Variants in BARD1 observed in about 807,000 individuals in gnomAD.
The protein encoded by BARD1 is BRCA1 associated RING domain 1.
BARD1 carries 73 observed loss-of-function variants against 77.0 expected under a neutral mutation model. The observed-to-expected ratio is 0.95, with a 90% CI of 0.79 to 1.15. BARD1 has a LOEUF of 1.15. BARD1 is among the 50% of genes most tolerant of loss of function. The pLI is 0.00. For missense variants in BARD1, 993 were observed against 938.8 expected (o/e 1.06, Z -0.75); for synonymous variants, 384 against 338.0 (o/e 1.14, Z -1.49).
At chr2:214,795,489 AG>A (rs1253862610) in intron 2 of BARD1, among the ~76,000 whole-genome samples, 1 of 152,160 alleles carries the variant, frequency 6.6e-6, no homozygotes, top group African/African-American at 2.4e-5. Context: ...GAGTTTAAGC[AG>A]GGTAATGATA....
intron 3 of BARD1, among the ~76,000 whole-genome samples, chr2:214,784,546 T>A (rs1171755099): frequency 6.6e-6 from 1 of 152,178 alleles, no homozygotes; most frequent in Non-Finnish European, 1.5e-5. Context: ...CAAAGGATTA[T>A]AAATCATTCT....
At position 214,781,529 on chromosome 2, in the gene BARD1, A is replaced by C. The variant is rs775733571; in HGVS notation, c.365-20T>G. Reference sequence around the variant, plus strand: ...TCAAATCTGACAGAAAAAAAGAAAAAGAAATCTGTTACATGAAATTTATTG... The same window carrying C: ...TCAAATCTGACAGAAAAAAAGAAAACGAAATCTGTTACATGAAATTTATTG... On this transcript the variant is annotated intron_variant, in intron 3 of 10. Coordinates refer to ENST00000260947, the MANE Select transcript of BARD1 (RefSeq NM_000465.4). The C allele has an allele frequency of 6.3e-7, 1 of 1,594,498 alleles. No individual in the cohort carries two copies. Among genetic ancestry groups the C allele is most frequent in the African/African-American group, 1.3e-5 (1 of 74,266 alleles).
intron 3 of BARD1, among the ~76,000 whole-genome samples, chr2:214,785,970 A>G (rs184353328): frequency 3.6e-4 from 55 of 152,036 alleles, no homozygotes; most frequent in African/African-American, 1.2e-3. Flanking sequence ...GAAACTACCC[A>G]AATTTTGTTT....
intron 6 of BARD1, among the ~76,000 whole-genome samples, chr2:214,764,481 G>A (rs1407482284): frequency 6.6e-6 from 1 of 152,108 alleles, no homozygotes; most frequent in Non-Finnish European, 1.5e-5. Context: ...CAAAGGCTAG[G>A]AGGTAAAAGA....
At position 214,745,157 on chromosome 2, in the gene BARD1, T is replaced by C. The variant is rs1693043933; in HGVS notation, c.1813A>G (p.Thr605Ala). The change falls in exon 9 of 11, where the codon ACT becomes GCT. Residue 605 changes from threonine to alanine, a missense_variant and splice_region_variant. Thr to Ala is a moderately conservative substitution (Grantham distance 58). Transcript: ENST00000260947. Reference protein sequence around the residue: ...KKYTEFDSTVTHVVVPGDAVQ... With the variant: ...KKYTEFDSTVAHVVVPGDAVQ... ...GCATCACCAGGAACAACAACATGAGTTACTAAAATACAAAAAAAGCAGTAA... is the reference window on the plus strand; with the variant it reads ...GCATCACCAGGAACAACAACATGAGCTACTAAAATACAAAAAAAGCAGTAA... 6.2e-7 allele frequency: 1 copy of C among 1,613,282 alleles called. No individual in the cohort carries two copies. Among genetic ancestry groups the C allele is most frequent in the Non-Finnish European group, 8.5e-7 (1 of 1,179,330 alleles).
intron 2 of BARD1, among the ~76,000 whole-genome samples, chr2:214,794,302 AAAG>A (rs1695661684): frequency 6.6e-6 from 1 of 152,154 alleles, no homozygotes; most frequent in African/African-American, 2.4e-5. Context: ...GTGTAGTATT[AAAG>A]AAGAATAGCC....
chr2:214,726,805 T>G lies in BARD1; in HGVS notation c.*1871A>C. ...TATTTAACAAAAGCAAAGATGAAAC[T>G]GCTTAACAGTCAGGGAAAAACAACA... On this transcript the variant is annotated 3_prime_UTR_variant, in exon 11 of 11. Transcript: ENST00000260947. 4.4e-6 allele frequency: 1 copy of G among 227,878 alleles called. No homozygotes were observed. Among genetic ancestry groups the G allele is most frequent in the Non-Finnish European group, 8.7e-6 (1 of 114,710 alleles). The allele number at this position is 227,878 out of a possible 1,614,324, so 14.1% of individuals were successfully genotyped here.
At chr2:214,766,227 G>A (rs1478886337) in intron 6 of BARD1, among the ~76,000 whole-genome samples, 1 of 152,120 alleles carries the variant, frequency 6.6e-6, no homozygotes, top group African/African-American at 2.4e-5. Flanking sequence ...ATTCACTAAT[G>A]CATCTCTGTG....
intron 9 of BARD1, among the ~76,000 whole-genome samples, chr2:214,733,943 G>A (rs1378939611): frequency 6.6e-6 from 1 of 152,130 alleles, no homozygotes; most frequent in Non-Finnish European, 1.5e-5. Flanking sequence ...AGACAAACAT[G>A]AGAAGATTCG....
At chr2:214,800,443 C>G (rs1463068872) in intron 1 of BARD1, among the ~76,000 whole-genome samples, 1 of 152,122 alleles carries the variant, frequency 6.6e-6, no homozygotes. Context: ...GAGGCTGAGG[C>G]AGGAGGAAAG....
chr2:214,759,208 T>A (rs1161821183), intron 6 of BARD1, among the ~76,000 whole-genome samples: 1 of 152,180 alleles, frequency 6.6e-6, no homozygotes, highest in African/African-American at 2.4e-5. Flanking sequence ...CCATGTAATA[T>A]TTTCTACTTC....
chr2:214,807,421 A>G (rs936742956), intron 1 of BARD1, among the ~76,000 whole-genome samples: 1 of 152,216 alleles, frequency 6.6e-6, no homozygotes, highest in South Asian at 2.1e-4. Flanking sequence ...ATATATTCAT[A>G]TATATTATCT....
intron 2 of BARD1, 60 bp from the exon 3 acceptor site, chr2:214,792,505 A>C: frequency 2.1e-6 from 3 of 1,461,606 alleles, no homozygotes; most frequent in Middle Eastern, 2.3e-4. Context: ...TAATTCCAAA[A>C]ACTAAACAGT....
intron 3 of BARD1, among the ~76,000 whole-genome samples, chr2:214,791,410 T>A (rs1325808745): frequency 6.6e-6 from 1 of 152,232 alleles, no homozygotes; most frequent in Non-Finnish European, 1.5e-5. Context: ...ATGAGCATTA[T>A]CAATCATCCA....
At chr2:214,757,794 T>C (rs1693763929) in intron 6 of BARD1, among the ~76,000 whole-genome samples, 1 of 152,160 alleles carries the variant, frequency 6.6e-6, no homozygotes, top group African/African-American at 2.4e-5. Flanking sequence ...GAAAAGGTTT[T>C]GCAGTCTGGT....
chr2:214,744,874 G>A (rs1693024405), intron 9 of BARD1, among the ~76,000 whole-genome samples, 193 bp downstream of exon 9: 2 of 151,712 alleles, frequency 1.3e-5, no homozygotes, highest in East Asian at 1.9e-4. Context: ...CTTGTGATCC[G>A]CCCACCTGGG....
At chr2:214,754,670 G>A (rs1490047190) in intron 6 of BARD1, among the ~76,000 whole-genome samples, 1 of 152,064 alleles carries the variant, frequency 6.6e-6, no homozygotes, top group Non-Finnish European at 1.5e-5. Flanking sequence ...TTACATTTAG[G>A]ATCCTTACTA....
At chr2:214,775,671 A>G (rs1192012309) in intron 4 of BARD1, among the ~76,000 whole-genome samples, 3 of 152,220 alleles carry the variant, frequency 2.0e-5, no homozygotes, top group Non-Finnish European at 2.9e-5. Context: ...TCTGCGAAGC[A>G]TAAAAAAGTG....
rs141578889 is a variant in BARD1, at chr2:214,786,152, T to C, written c.365-4643A>G. On this transcript the variant is annotated intron_variant, in intron 3 of 10. Coordinates refer to ENST00000260947, the MANE Select transcript of BARD1 (RefSeq NM_000465.4). ...CCTAAGGGATATAACATCTACCATA[T>C]AGGAAATAAACATCTGATGTTACAA... is the stretch of plus-strand genomic sequence containing the variant. Among the ~76,000 whole-genome samples, 913 of 152,068 alleles carry C rather than the reference T, an allele frequency of 6.0e-3. 6 individuals are homozygous for C. Among genetic ancestry groups the C allele is most frequent in the Non-Finnish European group, 9.1e-3 (615 of 67,918 alleles).
Sources: gnomAD v4.1 joint callset for allele counts (sites outside exome capture counted in the v4.1 genomes callset) on GRCh38, gnomAD v4.1.1 for gene constraint, MANE v1.5 for transcripts, NCBI Gene and HGNC (gene_info 2026-07-23, HGNC 2026-07-21) for gene names.